Variants in PTPRM observed in about 807,000 individuals in gnomAD.
PTPRM encodes receptor-type tyrosine-protein phosphatase mu.
Under a neutral mutation model 186.7 loss-of-function variants are expected in PTPRM, and 47 were observed. The ratio of observed to expected loss-of-function variants is 0.25; its 90% CI spans 0.20 to 0.32. The LOEUF is 0.32. Ranked by LOEUF, PTPRM falls within the 10% of genes least tolerant of loss-of-function variation. The pLI, the probability that PTPRM is intolerant of heterozygous loss-of-function variation, is 1.00. For synonymous variants in PTPRM, 668 were observed against 674.9 expected (o/e 0.99, Z 0.16); for missense variants, 1,494 against 1,865.0 (o/e 0.80, Z 3.66).
intron 3 of PTPRM, among the ~76,000 whole-genome samples, chr18:7,905,786 C>A (rs1226774171): frequency 6.6e-6 from 1 of 152,226 alleles, no homozygotes; most frequent in East Asian, 1.9e-4. Context: ...TAGTACACTG[C>A]ACTCTTCTTT....
At chr18:8,140,439 GTTTT>G (rs574382636) in intron 13 of PTPRM, among the ~76,000 whole-genome samples, 9,043 of 40,624 alleles carry the variant, frequency 0.22, 915 homozygotes, top group African/African-American at 0.4. Context: ...TTTGTTTTGA[GTTTT>G]TTTGTTTGTT....
chr18:7,937,839 A>G (rs1003943842), intron 5 of PTPRM, among the ~76,000 whole-genome samples: 3 of 152,216 alleles, frequency 2.0e-5, no homozygotes, highest in African/African-American at 7.2e-5. Flanking sequence ...GATGTGTTTC[A>G]GTCCATTGCG....
chr18:7,654,223 G>T (rs2038794045), intron 1 of PTPRM, among the ~76,000 whole-genome samples: 1 of 151,942 alleles, frequency 6.6e-6, no homozygotes, highest in South Asian at 2.1e-4. Flanking sequence ...TTAGACTTTT[G>T]TCAGATAATA....
At chr18:8,361,247 G>A (rs1568828522) in intron 23 of PTPRM, among the ~76,000 whole-genome samples, 1 of 152,126 alleles carries the variant, frequency 6.6e-6, no homozygotes, top group African/African-American at 2.4e-5. Flanking sequence ...GAGGCATTTA[G>A]CCCTGATTAA....
chr18:8,161,757 G>A (rs899533744), intron 14 of PTPRM, among the ~76,000 whole-genome samples: 15 of 152,078 alleles, frequency 9.9e-5, no homozygotes, highest in Non-Finnish European at 2.2e-4. Flanking sequence ...TTTCCTGGTC[G>A]TGCTACCCCT....
At chr18:7,758,582 A>T (rs1370622084) in intron 1 of PTPRM, among the ~76,000 whole-genome samples, 2 of 152,308 alleles carry the variant, frequency 1.3e-5, no homozygotes, top group East Asian at 3.9e-4. Flanking sequence ...TCAAGTCCAC[A>T]TCTTTCTCTG....
intron 7 of PTPRM, among the ~76,000 whole-genome samples, chr18:8,050,624 A>G (rs972831521): frequency 6.6e-6 from 1 of 152,202 alleles, no homozygotes. Flanking sequence ...AAGGACTTTC[A>G]GTGTGCACAG....
chr18:8,109,901 T>A (rs1394061785), intron 11 of PTPRM, among the ~76,000 whole-genome samples: 1 of 152,198 alleles, frequency 6.6e-6, no homozygotes, highest in African/African-American at 2.4e-5. Context: ...TTGTGGGTTA[T>A]CCAGGATAAA....
intron 2 of PTPRM, among the ~76,000 whole-genome samples, chr18:7,807,360 A>G (rs2145431954): frequency 6.6e-6 from 1 of 152,334 alleles, no homozygotes; most frequent in East Asian, 1.9e-4. Context: ...GTTTATTAAA[A>G]TGCAGGATAT....
chr18:8,335,145 T>C, intron 22 of PTPRM, among the ~76,000 whole-genome samples: 1 of 152,230 alleles, frequency 6.6e-6, no homozygotes, highest in East Asian at 1.9e-4. Context: ...CTTATCAGAA[T>C]TTTACATTTC....
At chr18:7,854,853 T>C (rs1005731629) in intron 2 of PTPRM, among the ~76,000 whole-genome samples, 1 of 152,098 alleles carries the variant, frequency 6.6e-6, no homozygotes, top group Non-Finnish European at 1.5e-5. Flanking sequence ...TCACTGCTTA[T>C]TGCTTCATCC....
At chr18:8,102,944 C>A (rs2091355388) in intron 11 of PTPRM, among the ~76,000 whole-genome samples, 2 of 152,212 alleles carry the variant, frequency 1.3e-5, no homozygotes, top group Admixed American at 6.5e-5. Context: ...GATATGAAAA[C>A]AGCATTCATC....
chr18:8,230,309 C>G (rs1027303383), intron 14 of PTPRM, among the ~76,000 whole-genome samples: 6 of 152,168 alleles, frequency 3.9e-5, no homozygotes, highest in African/African-American at 1.2e-4. Flanking sequence ...TTTGTTGTCT[C>G]TAGAGTGGGC....
At chr18:7,636,699 C>G (rs11873525) in intron 1 of PTPRM, among the ~76,000 whole-genome samples, 5,467 of 152,174 alleles carry the variant, frequency 0.036, 361 homozygotes, top group African/African-American at 0.13. Flanking sequence ...GTACAGTCTG[C>G]AGGATGCCAA....
At position 7,868,325 on chromosome 18, in the gene PTPRM, G is replaced by A. The variant is rs568971310; in HGVS notation, c.197-19781G>A. On this transcript the variant is annotated intron_variant, in intron 2 of 32. Coordinates refer to ENST00000580170, the MANE Select transcript of PTPRM (RefSeq NM_001105244.2). ...TTTGCTCTGGTTTCTCCCCATCTTC[G>A]TTGGTTTATCTACCTTTGGTCTTTG... Among the ~76,000 whole-genome samples the A allele has an allele frequency of 9.2e-5, 14 of 152,246 alleles. No homozygotes were observed. The East Asian group carries it at 1.9e-3, about 21-fold the overall frequency.
chr18:7,838,045 G>C (rs1189541600), intron 2 of PTPRM, among the ~76,000 whole-genome samples: 2 of 152,180 alleles, frequency 1.3e-5, no homozygotes, highest in African/African-American at 4.8e-5. Flanking sequence ...AAGACTCATG[G>C]AGTGTATTAG....
chr18:7,768,589 T>C (rs987714205), intron 1 of PTPRM, among the ~76,000 whole-genome samples: 4 of 152,014 alleles, frequency 2.6e-5, no homozygotes, highest in Admixed American at 6.5e-5. Flanking sequence ...TGCAAACTTA[T>C]AGTAGCCCAC....
chr18:7,582,205 T>C (rs2036863575), intron 1 of PTPRM, among the ~76,000 whole-genome samples: 1 of 152,200 alleles, frequency 6.6e-6, no homozygotes, highest in African/African-American at 2.4e-5. Context: ...CCATTTACTA[T>C]TCTTCATGTT....
chr18:8,390,847 G>A (rs1568893658), intron 31 of PTPRM, among the ~76,000 whole-genome samples: 1 of 151,954 alleles, frequency 6.6e-6, no homozygotes, highest in Non-Finnish European at 1.5e-5. Flanking sequence ...AAAATGACGT[G>A]AACCCGGGAG....
Sources: gnomAD v4.1 joint callset for allele counts (sites outside exome capture counted in the v4.1 genomes callset) on GRCh38, gnomAD v4.1.1 for gene constraint, MANE v1.5 for transcripts, NCBI Gene and HGNC (gene_info 2026-07-23, HGNC 2026-07-21) for gene names.